Variants in GRID2 observed in about 807,000 individuals in gnomAD.
GRID2 encodes the protein glutamate ionotropic receptor delta type subunit 2.
Under a neutral mutation model 114.8 loss-of-function variants are expected in GRID2, and 33 were observed. The observed-to-expected ratio is 0.29, with a 90% CI of 0.22 to 0.38. GRID2 has a LOEUF of 0.38. Ranked by LOEUF, GRID2 falls within the 10% of genes least tolerant of loss-of-function variation. The pLI, the probability that GRID2 is intolerant of heterozygous loss-of-function variation, is 1.00. For missense variants in GRID2, 1,184 were observed against 1,257.7 expected, an observed-to-expected ratio of 0.94 and a Z score of 0.89; for synonymous variants, 505 against 449.9, an observed-to-expected ratio of 1.12 and a Z score of -1.55.
At chr4:92,719,091 A>C (rs1014748460) in intron 2 of GRID2, among the ~76,000 whole-genome samples, 1 of 151,874 alleles carries the variant, frequency 6.6e-6, no homozygotes, top group Non-Finnish European at 1.5e-5. Flanking sequence ...GGTTCAAACT[A>C]TTCTCCTGTC....
chr4:93,072,274 A>G (rs1728877914), intron 2 of GRID2, among the ~76,000 whole-genome samples: 1 of 152,186 alleles, frequency 6.6e-6, no homozygotes, highest in Non-Finnish European at 1.5e-5. Context: ...GAGAGACAGA[A>G]CACAAAACAG....
intron 8 of GRID2, among the ~76,000 whole-genome samples, chr4:93,278,379 G>A (rs1483292426): frequency 6.6e-6 from 1 of 151,902 alleles, no homozygotes; most frequent in African/African-American, 2.4e-5. Flanking sequence ...GTAGTGGTAT[G>A]GGTTTGAGAG....
At chr4:92,372,844 A>G (rs1729182286) in intron 1 of GRID2, among the ~76,000 whole-genome samples, 1 of 152,194 alleles carries the variant, frequency 6.6e-6, no homozygotes, top group Non-Finnish European at 1.5e-5. Context: ...CTGATGCTGT[A>G]TAAGTTATAC....
At chr4:93,230,402 A>G (rs1745988039) in intron 7 of GRID2, among the ~76,000 whole-genome samples, 1 of 152,166 alleles carries the variant, frequency 6.6e-6, no homozygotes, top group Admixed American at 6.6e-5. Context: ...AGCAGCATGC[A>G]ACAAGTATAC....
intron 13 of GRID2, among the ~76,000 whole-genome samples, chr4:93,605,074 A>C (rs147615840): frequency 6.6e-6 from 1 of 152,342 alleles, no homozygotes; most frequent in African/African-American, 2.4e-5. Context: ...ATGCAAGCCC[A>C]TCTATGATTA....
intron 2 of GRID2, among the ~76,000 whole-genome samples, chr4:92,704,734 T>TCTCTCTCTCTTTCTCTCTCC (rs1734869242): frequency 1.3e-5 from 2 of 150,412 alleles, no homozygotes; most frequent in African/African-American, 4.9e-5. Flanking sequence ...TCTCTCTCTC[T>TCTCTCTCTCTTTCTCTCTCC]CTCTCTCTCT....
At chr4:93,463,056 A>G (rs1723902979) in intron 11 of GRID2, among the ~76,000 whole-genome samples, 1 of 152,216 alleles carries the variant, frequency 6.6e-6, no homozygotes, top group Non-Finnish European at 1.5e-5. Flanking sequence ...GTTGTTGTTA[A>G]TTATGATTGG....
At chr4:93,319,958 A>G (rs1757043915) in intron 8 of GRID2, among the ~76,000 whole-genome samples, 2 of 152,126 alleles carry the variant, frequency 1.3e-5, no homozygotes, top group Admixed American at 6.6e-5. Flanking sequence ...CTTTTGACCT[A>G]TAGAACTGTG....
intron 1 of GRID2, among the ~76,000 whole-genome samples, chr4:92,481,742 T>C (rs1447762335): frequency 6.6e-6 from 1 of 151,856 alleles, no homozygotes; most frequent in Non-Finnish European, 1.5e-5. Flanking sequence ...ATTTAAAGAA[T>C]GATGTTGGTA....
At chr4:93,745,291 C>G (rs192720499) in intron 14 of GRID2, among the ~76,000 whole-genome samples, 15 of 152,046 alleles carry the variant, frequency 9.9e-5, no homozygotes, top group African/African-American at 3.6e-4. Flanking sequence ...AACTACATTT[C>G]CTTTACTGAA....
chr4:93,728,984 A>G (rs1293519388), intron 14 of GRID2, among the ~76,000 whole-genome samples: 1 of 152,210 alleles, frequency 6.6e-6, no homozygotes, highest in Non-Finnish European at 1.5e-5. Flanking sequence ...TAGCCCATTT[A>G]CATTCAAAGT....
chr4:92,593,020 G>A (rs762716220), intron 2 of GRID2, among the ~76,000 whole-genome samples: 3 of 151,914 alleles, frequency 2.0e-5, no homozygotes, highest in Non-Finnish European at 4.4e-5. Context: ...TGTATTGAGA[G>A]GGACTAACAT....
At chr4:93,237,554 A>G (rs1021109933) in intron 7 of GRID2, among the ~76,000 whole-genome samples, 1 of 151,974 alleles carries the variant, frequency 6.6e-6, no homozygotes, top group Non-Finnish European at 1.5e-5. Context: ...AATAAATGTC[A>G]TTACCAGGCC....
rs146649048 is a variant in GRID2 at position 92,449,449 on chromosome 4, G to A, written c.89-140682G>A. On this transcript the variant is annotated intron_variant, in intron 1 of 15. Coordinates refer to ENST00000282020, the MANE Select transcript of GRID2 (RefSeq NM_001510.4). ...TACAAATTATTGTATTAGTGGAGATGAGTTGAAAATTTTTTTCCATGTGTG... is the reference window on the plus strand; with the variant it reads ...TACAAATTATTGTATTAGTGGAGATAAGTTGAAAATTTTTTTCCATGTGTG... 4.5e-3 allele frequency among the ~76,000 whole-genome samples: 685 copies of A among 151,592 alleles called. 6 individuals are homozygous for A. Among genetic ancestry groups the A allele is most frequent in the African/African-American group, 0.014 (598 of 41,418 alleles).
chr4:92,880,636 T>G, intron 2 of GRID2, among the ~76,000 whole-genome samples: 1 of 152,230 alleles, frequency 6.6e-6, no homozygotes, highest in East Asian at 1.9e-4. Flanking sequence ...AGTATCTATA[T>G]ATTCTAGAGG....
chr4:92,738,566 T>G (rs1736715919), intron 2 of GRID2, among the ~76,000 whole-genome samples: 1 of 152,182 alleles, frequency 6.6e-6, no homozygotes, highest in South Asian at 2.1e-4. Context: ...AAAATTAATG[T>G]TTTTAAATTT....
At chr4:92,509,016 A>G (rs1387888808) in intron 1 of GRID2, among the ~76,000 whole-genome samples, 1 of 151,894 alleles carries the variant, frequency 6.6e-6, no homozygotes, top group African/African-American at 2.4e-5. Context: ...ATAGTGAGCT[A>G]TGATTGCACC....
chr4:93,616,868 G>A (rs1336209641), intron 13 of GRID2, among the ~76,000 whole-genome samples: 7 of 147,210 alleles, frequency 4.8e-5, no homozygotes, highest in Non-Finnish European at 7.4e-5. Flanking sequence ...GGTGGTGGGC[G>A]CCTGTAGTCC....
intron 2 of GRID2, among the ~76,000 whole-genome samples, chr4:92,749,227 CT>C (rs1737311424): frequency 6.6e-6 from 1 of 151,434 alleles, no homozygotes; most frequent in African/African-American, 2.4e-5. Context: ...TGGTCTCGAT[CT>C]CTTGACCTCG....
Sources: gnomAD v4.1 joint callset for allele counts (sites outside exome capture counted in the v4.1 genomes callset) on GRCh38, gnomAD v4.1.1 for gene constraint, MANE v1.5 for transcripts, NCBI Gene and HGNC (gene_info 2026-07-23, HGNC 2026-07-21) for gene names.